Variants in ANKFN1 observed in about 807,000 individuals in gnomAD.
The protein encoded by ANKFN1 is ankyrin repeat and fibronectin type III domain containing 1, also known as ankyrin repeat and fibronectin type-III domain-containing protein 1.
ANKFN1 carries 74 observed loss-of-function variants against 108.7 expected under a neutral mutation model. The ratio of observed to expected loss-of-function variants is 0.68; its 90% CI spans 0.56 to 0.83. The LOEUF is 0.83. Among genes scored for constraint, ANKFN1 ranks in the 40% least tolerant of loss-of-function variants. The pLI is 0.00. For missense variants in ANKFN1, 1,505 were observed against 1,382.3 expected (o/e 1.09, Z -1.41); for synonymous variants, 547 against 516.2 (o/e 1.06, Z -0.81).
intron 10 of ANKFN1, among the ~76,000 whole-genome samples, chr17:56,444,820 G>A (rs946132219): frequency 2.0e-5 from 3 of 152,162 alleles, no homozygotes; most frequent in Non-Finnish European, 4.4e-5. Context: ...GTACATGGCT[G>A]AACCAGGACT....
rs147590899 is a variant in ANKFN1 at position 56,387,072 on chromosome 17, A to G, written c.910+12358A>G. 4.4e-3 allele frequency among the ~76,000 whole-genome samples: 662 copies of G among 152,136 alleles called. 5 individuals are homozygous for G. The highest frequency in any genetic ancestry group is 0.015 in the African/African-American group (619 of 41,528). ...GCCTTTTCTTTTATAATTGTTGAAC[A>G]TTTGACTATTTTGTTGGTTTGTTTG... is the stretch of plus-strand genomic sequence containing the variant. On this transcript the variant is annotated intron_variant, in intron 8 of 20. Transcript: ENST00000682825.
chr17:56,472,732 G>C (rs1265854619), intron 15 of ANKFN1: 1 of 152,190 alleles, frequency 6.6e-6, no homozygotes, highest in African/African-American at 2.4e-5. Flanking sequence ...CCTGATAGCA[G>C]TACAAACAGT....
At chr17:56,333,717 G>A (rs1170901569) in intron 4 of ANKFN1, among the ~76,000 whole-genome samples, 1 of 152,030 alleles carries the variant, frequency 6.6e-6, no homozygotes, top group Non-Finnish European at 1.5e-5. Context: ...TTTTGGAAGA[G>A]TTGTATGTCG....
chr17:56,165,361 AC>A (rs1287442773), intron 1 of ANKFN1, among the ~76,000 whole-genome samples: 2 of 152,130 alleles, frequency 1.3e-5, no homozygotes, highest in Non-Finnish European at 2.9e-5. Context: ...ATTACACAAG[AC>A]CACTATTAAC....
chr17:56,507,848 C>G (rs2051617680), intron 20 of ANKFN1, among the ~76,000 whole-genome samples: 1 of 152,154 alleles, frequency 6.6e-6, no homozygotes, highest in South Asian at 2.1e-4. Flanking sequence ...ATGCTTCCTC[C>G]CCTGGCCACC....
At chr17:56,052,487 G>A (rs1904794858) in intron 4 of ANKFN1, among the ~76,000 whole-genome samples, 1 of 152,128 alleles carries the variant, frequency 6.6e-6, no homozygotes, top group South Asian at 2.1e-4. Context: ...GCTTTTAAAT[G>A]GTAGTATTTA....
intron 3 of ANKFN1, among the ~76,000 whole-genome samples, chr17:56,267,907 ATT>A (rs902555969): frequency 1.3e-5 from 2 of 151,514 alleles, no homozygotes; most frequent in Non-Finnish European, 2.9e-5. Context: ...GATTTTTAGA[ATT>A]TTTTTTCCTA....
At chr17:56,161,822 A>C (rs1362946775) in intron 1 of ANKFN1, among the ~76,000 whole-genome samples, 1 of 152,260 alleles carries the variant, frequency 6.6e-6, no homozygotes, top group Non-Finnish European at 1.5e-5. Flanking sequence ...AAGCTATAGA[A>C]AATGTGTCTT....
Position 56,412,973 on chromosome 17 carries a change from C to T in ANKFN1, c.911-27354C>T, listed in dbSNP as rs574032077. Among the ~76,000 whole-genome samples, 52 of 152,192 alleles carry T rather than the reference C, an allele frequency of 3.4e-4. 1 individual carries two copies. The South Asian group carries it at 0.011, about 32-fold the overall frequency. ...GCTTATCTTTTTTAAAAGAAAACAA[C>T]TTTTAGTTTTGTTAATCTTTTCTAT... On this transcript the variant is annotated intron_variant, in intron 8 of 20. Transcript: ENST00000682825.
At chr17:56,308,402 A>G (rs1163873175) in intron 3 of ANKFN1, among the ~76,000 whole-genome samples, 2 of 152,108 alleles carry the variant, frequency 1.3e-5, no homozygotes, top group Admixed American at 1.3e-4. Context: ...TTCATCTCGT[A>G]TCTTGTGACC....
intron 6 of ANKFN1, chr17:56,368,108 T>G: frequency 8.7e-7 from 1 of 1,152,072 alleles, no homozygotes; most frequent in Non-Finnish European, 1.2e-6. Context: ...TAACACCAGA[T>G]GTTAGTGACA....
At chr17:56,315,755 T>C (rs2045186220) in intron 3 of ANKFN1, among the ~76,000 whole-genome samples, 1 of 152,166 alleles carries the variant, frequency 6.6e-6, no homozygotes, top group East Asian at 1.9e-4. Context: ...CTCTATCTGA[T>C]TTCATAGGAG....
intron 4 of ANKFN1, among the ~76,000 whole-genome samples, chr17:56,140,250 C>A (rs976903717): frequency 6.6e-6 from 1 of 152,114 alleles, no homozygotes; most frequent in Non-Finnish European, 1.5e-5. Flanking sequence ...TCTAGTTAGT[C>A]ACCAATTTGT....
chr17:56,335,144 A>T (rs1363729253), intron 4 of ANKFN1, among the ~76,000 whole-genome samples: 2 of 152,192 alleles, frequency 1.3e-5, no homozygotes, highest in Non-Finnish European at 2.9e-5. Flanking sequence ...GTTTGAAGTC[A>T]GGTAGCATGA....
intron 4 of ANKFN1, among the ~76,000 whole-genome samples, chr17:56,064,842 C>T (rs1257389647): frequency 6.6e-6 from 1 of 152,034 alleles, no homozygotes. Flanking sequence ...GGATGCTAGG[C>T]CCCGGTGGTG....
chr17:56,211,227 C>T (rs757022342), intron 1 of ANKFN1, among the ~76,000 whole-genome samples: 1 of 152,092 alleles, frequency 6.6e-6, no homozygotes, highest in African/African-American at 2.4e-5. Flanking sequence ...AGAATTTTTA[C>T]GATTTCAGGT....
intron 1 of ANKFN1, among the ~76,000 whole-genome samples, chr17:56,195,864 A>T (rs957499859): frequency 6.6e-6 from 1 of 151,946 alleles, no homozygotes; most frequent in East Asian, 1.9e-4. Flanking sequence ...AGAAAAAATA[A>T]AAAAGCTCAG....
chr17:56,120,936 T>A (rs17819973), intron 4 of ANKFN1, among the ~76,000 whole-genome samples: 46,722 of 152,078 alleles, frequency 0.31, 8,870 homozygotes, highest in East Asian at 0.53. Flanking sequence ...TAGTCATCAT[T>A]ACTCAAACTC....
At chr17:56,455,225 T>A (rs2049643995) in intron 11 of ANKFN1, among the ~76,000 whole-genome samples, 2 of 152,158 alleles carry the variant, frequency 1.3e-5, no homozygotes, top group South Asian at 4.1e-4. Context: ...CTTTAAAAAT[T>A]TATGTTGTTT....
Sources: allele counts gnomAD v4.1 joint callset (sites outside exome capture counted in the v4.1 genomes callset), GRCh38; gene constraint gnomAD v4.1.1; transcripts MANE v1.5; gene names NCBI Gene and HGNC (gene_info 2026-07-23, HGNC 2026-07-21).